The following PABIR3 variants were observed in gnomAD, a reference collection of about 807,000 sequenced individuals.
The protein encoded by PABIR3 is PABIR family member 1.
A neutral mutation model predicts 23.1 loss-of-function variants in PABIR3; 20 were observed. The observed-to-expected ratio is 0.86, with a 90% confidence interval of 0.61 to 1.26. PABIR3 has a LOEUF of 1.26. Among genes scored for constraint, PABIR3 ranks in the 50% most tolerant of loss-of-function variants. The probability of loss-of-function intolerance (pLI) is 0.00; values close to 1 mark genes in which losing one functional copy is unlikely to be tolerated. For missense variants in PABIR3, 189 were observed against 195.4 expected (o/e 0.97, Z 0.20); for synonymous variants, 69 against 68.5 (o/e 1.01, Z -0.04).
the PABIR3 span, among the ~76,000 whole-genome samples, chrX:134,864,444 C>T: frequency 8.9e-6 from 1 of 112,072 alleles, no homozygotes; most frequent in East Asian, 2.8e-4. Context: ...TGTCCACTGC[C>T]CCTTTGCAGT....
the PABIR3 span, among the ~76,000 whole-genome samples, chrX:134,861,397 G>T: frequency 3.6e-5 from 4 of 111,334 alleles, no homozygotes; most frequent in Non-Finnish European, 7.5e-5. Flanking sequence ...AACAACTAAT[G>T]TGTAGTTACA....
At position 134,831,510 on chromosome X, in the gene PABIR3, A is replaced by G. The variant is rs1347806540; in HGVS notation, c.246+2228A>G. On this transcript the variant is annotated intron_variant, in intron 4 of 10. Coordinates refer to ENST00000645433, the MANE Select transcript of PABIR3 (RefSeq NM_001388447.1). ...TCACTTTAACAACATTAATAAGGGC[A>G]TTGATTTTTCAAAATGGGGGGAATA... 3.6e-5 allele frequency: 4 copies of G among 111,941 alleles called. No homozygotes were observed. The East Asian group carries it at 8.3e-4, about 23-fold the overall frequency. The allele number at this position is 111,941 out of a possible 1,213,427, so 9.2% of individuals were successfully genotyped here.
downstream of PABIR3, among the ~76,000 whole-genome samples, chrX:134,855,692 A>G (rs1204786923): frequency 9.0e-6 from 1 of 111,459 alleles, no homozygotes; most frequent in Non-Finnish European, 1.9e-5. Context: ...ATTTTTTGAC[A>G]GTGACCCTGA....
chrX:134,811,129 A>G, intron 2 of PABIR3: 1 of 748,569 alleles, frequency 1.3e-6, no homozygotes, highest in Non-Finnish European at 1.6e-6. Context: ...GTTTTAAAGA[A>G]GTATCTGCAC....
At chrX:134,845,170 G>A (rs747833639) in intron 4 of PABIR3, 35 bp from the exon 5 acceptor site, 1 of 1,100,483 alleles carries the variant, frequency 9.1e-7, no homozygotes, top group Middle Eastern at 2.6e-4. Flanking sequence ...TAGGAACTGG[G>A]TATTCAGTTT....
upstream of PABIR3, among the ~76,000 whole-genome samples, chrX:134,805,689 G>C (rs1167210099): frequency 9.0e-6 from 1 of 110,968 alleles, no homozygotes; most frequent in Non-Finnish European, 1.9e-5. Context: ...CCTGAGGTCG[G>C]GAGTTCGAGA....
At chrX:134,840,371 A>G (rs973434170) in intron 4 of PABIR3, among the ~76,000 whole-genome samples, 1 of 111,397 alleles carries the variant, frequency 9.0e-6, no homozygotes, top group Non-Finnish European at 1.9e-5. Context: ...AAAAAACAAA[A>G]AACAAAAACA....
intron 1 of PABIR3, among the ~76,000 whole-genome samples, chrX:134,799,556 A>G (rs2148043165): frequency 8.9e-6 from 1 of 112,483 alleles, no homozygotes; most frequent in South Asian, 3.6e-4. Flanking sequence ...ACTTGCACAG[A>G]CCATTTATGA....
At chrX:134,803,749 A>G (rs1043445545), upstream of PABIR3, among the ~76,000 whole-genome samples, 1 of 111,941 alleles carries the variant, frequency 8.9e-6, no homozygotes, top group African/African-American at 3.3e-5. Context: ...AAGAAATTAT[A>G]ATACATTCTT....
At chrX:134,853,060 A>T (rs745442605) in intron 10 of PABIR3, among the ~76,000 whole-genome samples, 164 bp downstream of exon 10, 43 of 111,140 alleles carry the variant, frequency 3.9e-4, no homozygotes, top group Non-Finnish European at 7.2e-4. Context: ...GAGTTATTTT[A>T]TTTTCTTTTT....
rs769360320 is a variant in PABIR3, at chrX:134,853,065, C to T, written c.686+169C>T. ...CTATAAACCTGAGTTATTTTATTTT[C>T]TTTTTTTTCTTTTTCTGAGGCAGGG... On this transcript the variant is annotated intron_variant, in intron 10 of 10. Transcript: ENST00000645433. Among the ~76,000 whole-genome samples, 7 of 110,657 alleles carry T rather than the reference C, an allele frequency of 6.3e-5. No individual in the cohort carries two copies. The East Asian group carries it at 2.0e-3, about 31-fold the overall frequency.
chrX:134,802,032 G>T (rs1243285430), intron 1 of PABIR3, among the ~76,000 whole-genome samples: 2 of 96,198 alleles, frequency 2.1e-5, no homozygotes, highest in African/African-American at 7.7e-5. Context: ...CCACCCCCCT[G>T]CCCCACCAGG....
At chrX:134,822,614 C>T in intron 3 of PABIR3, 1 of 749,944 alleles carries the variant, frequency 1.3e-6, no homozygotes, top group Non-Finnish European at 1.6e-6. Flanking sequence ...CTTCCCATCC[C>T]TTAGGTATAA....
chrX:134,810,347 A>G, intron 2 of PABIR3: 3 of 754,387 alleles, frequency 4.0e-6, no homozygotes, highest in South Asian at 6.7e-5. Flanking sequence ...GTTACATTCC[A>G]TAGCTTAAGA....
chrX:134,799,008 C>A (rs2079988046), intron 1 of PABIR3, among the ~76,000 whole-genome samples: 1 of 111,500 alleles, frequency 9.0e-6, no homozygotes, highest in African/African-American at 3.3e-5. Flanking sequence ...AAGTTAAACT[C>A]AATGAAAAAG....
At chrX:134,854,031 A>T in intron 10 of PABIR3, 60 bp from the exon 11 acceptor site, 1 of 1,142,587 alleles carries the variant, frequency 8.8e-7, no homozygotes, top group East Asian at 3.0e-5. Flanking sequence ...TAGACAAAGC[A>T]GAGTATACAG....
intron 3 of PABIR3, among the ~76,000 whole-genome samples, chrX:134,828,152 C>T (rs112134563): frequency 0.011 from 1,200 of 105,677 alleles, 21 homozygotes; most frequent in African/African-American, 0.04. Context: ...CTCAAAGTGC[C>T]GGAATAATAG....
intron 4 of PABIR3, chrX:134,838,923 T>C (rs2082087726): frequency 8.9e-6 from 1 of 112,860 alleles, no homozygotes; most frequent in African/African-American, 3.3e-5. Flanking sequence ...CTCCAGCTCC[T>C]AACCGCAAGT....
rs1175030451 is a variant in PABIR3 at position 134,852,795 on chromosome X, C to A, written c.590-5C>A. On this transcript the variant is annotated splice_region_variant and splice_polypyrimidine_tract_variant and intron_variant, in intron 9 of 10. Transcript: ENST00000645433. Reference sequence around the variant, plus strand: ...CATCTACCTTGATCTGCTGTATTGTCATAGGTGAAATGGCATTTCAATATC... The same window carrying A: ...CATCTACCTTGATCTGCTGTATTGTAATAGGTGAAATGGCATTTCAATATC... 5 of 1,103,155 alleles carry A rather than the reference C, an allele frequency of 4.5e-6. No individual in the cohort carries two copies. In the African/African-American group the frequency reaches 9.2e-5, roughly 20 times the overall value. 90.9% of individuals were successfully genotyped at this position (1,103,155 alleles called of 1,213,427 possible). A position where few individuals can be genotyped will look rare whatever the true frequency, so the allele number is the denominator to read the frequency against.
Sources: gnomAD v4.1 joint callset for allele counts (sites outside exome capture counted in the v4.1 genomes callset) on GRCh38, gnomAD v4.1.1 for gene constraint, MANE v1.5 for transcripts, NCBI Gene and HGNC (gene_info 2026-07-23, HGNC 2026-07-21) for gene names.